MED24: variants seen among roughly 807,000 people sequenced by gnomAD.
The protein encoded by MED24 is mediator complex subunit 24.
A neutral mutation model predicts 118.8 loss-of-function variants in MED24; 74 were observed. The observed-to-expected ratio is 0.62, with a 90% CI of 0.52 to 0.76. MED24 has a LOEUF of 0.76. MED24 is among the 30% of genes least tolerant of loss of function. The probability of loss-of-function intolerance (pLI) is 0.00; values close to 1 mark genes in which losing one functional copy is unlikely to be tolerated. For missense variants in MED24, 1,041 were observed against 1,278.9 expected (o/e 0.81, Z 2.84); for synonymous variants, 521 against 523.9 (o/e 0.99, Z 0.08).
chr17:40,036,154 T>C lies in MED24; in HGVS notation c.214A>G (p.Met72Val). 6.2e-7 allele frequency: 1 copy of C among 1,610,458 alleles called. No homozygotes were observed. The highest frequency in any genetic ancestry group is 1.1e-5 in the South Asian group (1 of 91,008). ...GTGAGGACAGAAGAGTAGGACACCATCTGGAGAGAAGGAAGAAAGATAATC... is the reference window on the plus strand; with the variant it reads ...GTGAGGACAGAAGAGTAGGACACCACCTGGAGAGAAGGAAGAAAGATAATC... ...SYLKYAISSQ[M>V]VSYSSVLTAI... The change falls in exon 4 of 26, where the codon ATG becomes GTG. Residue 72 changes from methionine (M) to valine (V), a missense_variant and splice_region_variant. Around this residue, in one of 3 missense-constraint regions of MED24, gnomAD observed 434 missense variants for 514.9 expected, o/e 0.84. Transcript: ENST00000394128.
chr17:40,037,623 A>G (rs549075070), intron 3 of MED24, among the ~76,000 whole-genome samples: 1 of 152,296 alleles, frequency 6.6e-6, no homozygotes, highest in Non-Finnish European at 1.5e-5. Context: ...AAAGTTAAAT[A>G]AAATTTGGCC....
chr17:40,044,129 CAA>C (rs1281902358), intron 3 of MED24, among the ~76,000 whole-genome samples: 7 of 28,068 alleles, frequency 2.5e-4, no homozygotes, highest in Non-Finnish European at 4.5e-4. Context: ...CTCTGTCTCA[CAA>C]AAAAAAAAAA....
rs1983792923 is a variant in MED24, at chr17:40,035,165, T to C, written c.511A>G (p.Ser171Gly). The change falls in exon 6 of 26, where the codon AGC (serine) becomes GGC (glycine). Residue 171 changes from serine (S) to glycine (G), a missense_variant. Ser to Gly is a moderately conservative substitution (Grantham distance 56). Transcript: ENST00000394128. ...TGCAGCAGGGCCCGGTTCTTGGTGC[T>C]GCTGAGGGTTTTCTCCAGGCGCTGA... ...CLQRLEKTLS[S>G]TKNRALLHIA... The C allele has an allele frequency of 6.2e-7, 1 of 1,614,092 alleles. No homozygotes were observed. Among genetic ancestry groups the C allele is most frequent in the Non-Finnish European group, 8.5e-7 (1 of 1,179,998 alleles).
intron 3 of MED24, among the ~76,000 whole-genome samples, chr17:40,040,629 T>TC (rs1461530114): frequency 6.6e-6 from 1 of 151,240 alleles, no homozygotes; most frequent in Admixed American, 6.6e-5. Flanking sequence ...ATTTTCTTTT[T>TC]TTTTTTTGAG....
chr17:40,053,572 G>A lies in MED24; in HGVS notation c.27C>T (p.Ala9=). ...AGCGCTCCTTCCAGGCTTGCAAAAT[G>A]GCTTGCTTCAGGTTGACCACCTTCA... MKVVNLKQ[A]ILQAWKERWS... The change falls in exon 2 of 26, where the codon GCC becomes GCT. Residue 9 remains alanine, a synonymous_variant. Transcript: ENST00000394128. 6.2e-7 allele frequency: 1 copy of A among 1,614,136 alleles called. No homozygotes were observed. Among genetic ancestry groups the A allele is most frequent in the Non-Finnish European group, 8.5e-7 (1 of 1,180,028 alleles).
chr17:40,033,787 C>A lies in MED24; in HGVS notation c.560-331G>T. The A allele has an allele frequency of 2.0e-6, 1 of 505,342 alleles. No individual in the cohort carries two copies. Among genetic ancestry groups the A allele is most frequent in the African/African-American group, 1.9e-5 (1 of 52,060 alleles). 31.3% of individuals were successfully genotyped at this position (505,342 alleles called of 1,614,324 possible). A position where few individuals can be genotyped will look rare whatever the true frequency, so the allele number is the denominator to read the frequency against. ...AATCCAGTGGCTGGAACAGGGAGGG[C>A]GGCCACAAATCACTCGAGGAGTGAG... On this transcript the variant is annotated intron_variant, in intron 6 of 25. Coordinates refer to ENST00000394128, the MANE Select transcript of MED24 (RefSeq NM_014815.4). The surrounding 1 kb of genome is among the most constrained non-coding windows in gnomAD (Gnocchi z 5.2).
intron 3 of MED24, among the ~76,000 whole-genome samples, chr17:40,044,740 G>A (rs1320932973): frequency 2.7e-5 from 4 of 150,798 alleles, no homozygotes; most frequent in East Asian, 2.0e-4. Context: ...TTAGCCAGGC[G>A]TGGTCGTGGG....
Position 40,037,116 on chromosome 17 carries a change from T to C in MED24, c.214-962A>G, listed in dbSNP as rs1241213864. The stretch of plus-strand genomic sequence containing the variant: ...GAGCTGCTTGAGCCTGGGAGACGGA[T>C]GTTGCAGTGAGACGAAATCTTGCCA... On this transcript the variant is annotated intron_variant, in intron 3 of 25. Coordinates refer to ENST00000394128, the MANE Select transcript of MED24 (RefSeq NM_014815.4). Among the ~76,000 whole-genome samples the C allele has an allele frequency of 3.3e-5, 5 of 151,808 alleles. No individual in the cohort carries two copies. In the East Asian group the frequency reaches 9.7e-4, roughly 29 times the overall value.
rs763051802 is a variant in MED24 at position 40,031,568 on chromosome 17, G to T, written c.1037C>A (p.Pro346His). 1.6e-5 allele frequency: 26 copies of T among 1,614,064 alleles called. No homozygotes were observed. Among genetic ancestry groups the T allele is most frequent in the African/African-American group, 1.3e-4 (10 of 74,922 alleles). Residue 346 changes from proline (P) to histidine (H), a missense_variant, in exon 11 of 26, where the codon CCC becomes CAC. Pro to His is a moderately conservative substitution (Grantham distance 77). Around this residue, in one of 3 missense-constraint regions of MED24, gnomAD observed 434 missense variants for 514.9 expected, o/e 0.84. Coordinates refer to ENST00000394128, the MANE Select transcript of MED24 (RefSeq NM_014815.4). Reference protein sequence around the residue: ...CAFEFLLKLTPLLDKADQRCN... With the variant: ...CAFEFLLKLTHLLDKADQRCN... ...GCGCTGGTCAGCTTTGTCCAACAAG[G>T]GGGTGAGCTTCAGCAGGAACTCAAA...
At chr17:40,034,984 A>G in intron 6 of MED24, 133 bp downstream of exon 6, 1 of 1,604,966 alleles carries the variant, frequency 6.2e-7, no homozygotes, top group Non-Finnish European at 8.5e-7. Context: ...TTATGGGGAG[A>G]AAAAAAAGGA....
At chr17:40,046,999 T>C (rs1985300189) in intron 3 of MED24, among the ~76,000 whole-genome samples, 1 of 152,038 alleles carries the variant, frequency 6.6e-6, no homozygotes, top group Non-Finnish European at 1.5e-5. Context: ...TCCCAACTCC[T>C]TGGGAACCTG....
Position 40,019,804 on chromosome 17 carries a change from TG to T in MED24, c.2833del (p.Gln945SerfsTer12). The T allele has an allele frequency of 6.2e-7, 1 of 1,609,292 alleles. No homozygotes were observed. The highest frequency in any genetic ancestry group is 8.5e-7 in the Non-Finnish European group (1 of 1,177,692). ...LEQGGRGSVLQFMPFTTVSEL... is the reference protein window; with the variant it reads ...LEQGGRGSVLXFMPFTTVSEL... The stretch of plus-strand genomic sequence containing the variant: ...ACTCACGGTGGTGAAGGGCATGAAC[TG>T]CAGGACGCTGCCACGGCCACCCTGC... On this transcript the variant is annotated frameshift_variant, in exon 25 of 26. Coordinates refer to ENST00000394128, the MANE Select transcript of MED24 (RefSeq NM_014815.4). LOFTEE classifies it high-confidence loss of function.
At chr17:40,046,110 G>A (rs1452814302) in intron 3 of MED24, among the ~76,000 whole-genome samples, 4 of 128,244 alleles carry the variant, frequency 3.1e-5, no homozygotes, top group East Asian at 2.3e-4. Flanking sequence ...TTTTTGAGAC[G>A]GAGTCTCACT....
chr17:40,031,856 G>T (rs151144850), intron 10 of MED24, among the ~76,000 whole-genome samples, 187 bp downstream of exon 10: 6 of 146,254 alleles, frequency 4.1e-5, no homozygotes, highest in Admixed American at 4.1e-4. Flanking sequence ...ACACACTGAA[G>T]CACACGCACA....
At chr17:40,052,857 A>C (rs151113039) in intron 3 of MED24, among the ~76,000 whole-genome samples, 1 of 152,310 alleles carries the variant, frequency 6.6e-6, no homozygotes, top group East Asian at 1.9e-4. Context: ...GATCTGTTCA[A>C]ACAGATCAAT....
At chr17:40,019,750 A>G in intron 25 of MED24, 35 bp downstream of exon 25, 1 of 1,607,808 alleles carries the variant, frequency 6.2e-7, no homozygotes, top group Non-Finnish European at 8.5e-7. Context: ...CCGAGGCCCC[A>G]GCACCAGCAG....
chr17:40,037,746 C>T (rs1166929122), intron 3 of MED24, among the ~76,000 whole-genome samples: 1 of 152,018 alleles, frequency 6.6e-6, no homozygotes, highest in African/African-American at 2.4e-5. Context: ...CCCGTCTCTA[C>T]TAATAATACA....
chr17:40,053,089 C>T (rs926875412), intron 3 of MED24, among the ~76,000 whole-genome samples: 3 of 151,962 alleles, frequency 2.0e-5, no homozygotes, highest in Admixed American at 1.3e-4. Flanking sequence ...GGCACCACCA[C>T]GCAGGGGTAA....
In MED24 at chr17:40,033,406, C is replaced by T. The variant is rs34585432; in HGVS notation, c.610G>A (p.Ala204Thr). 1.1e-3 allele frequency: 1,791 copies of T among 1,610,526 alleles called. 14 individuals carry two copies. The African/African-American group carries it at 0.021, about 19-fold the overall frequency. Residue 204 changes from alanine (A) to threonine (T), a missense_variant, in exon 7 of 26, where the codon GCC becomes ACC. Transcript: ENST00000394128. The surrounding 1 kb of genome is among the most constrained non-coding windows in gnomAD (Gnocchi z 5.2). ...HSLLKLGEIL[A>T]NLSNPQLRSQ... ...CGGAGCTGCGGGTTGCTGAGATTGGCCAGGATCTCTCCAAGTTTCAAGAGA... is the reference window on the plus strand; with the variant it reads ...CGGAGCTGCGGGTTGCTGAGATTGGTCAGGATCTCTCCAAGTTTCAAGAGA...
Sources: allele counts gnomAD v4.1 joint callset (sites outside exome capture counted in the v4.1 genomes callset), GRCh38; gene constraint gnomAD v4.1.1; regional missense constraint gnomAD v4.1.1; non-coding constraint Gnocchi (gnomAD v3.1); transcripts MANE v1.5; gene names NCBI Gene and HGNC (gene_info 2026-07-23, HGNC 2026-07-21).